Variants in SRGAP3 observed in about 807,000 individuals in gnomAD.
SRGAP3 encodes the protein SLIT-ROBO Rho GTPase-activating protein 3.
In SRGAP3, 39 loss-of-function variants were observed where a neutral mutation model predicts 121.1. That is an observed-to-expected ratio of 0.32 (90% CI 0.25 to 0.42). SRGAP3 has a LOEUF of 0.42. Ranked by LOEUF, SRGAP3 falls within the 10% of genes least tolerant of loss-of-function variation. SRGAP3 has a pLI of 1.00. For synonymous variants in SRGAP3, 601 were observed against 570.0 expected (o/e 1.05, Z -0.77); for missense variants, 1,213 against 1,470.6 (o/e 0.82, Z 2.86).
intron 3 of SRGAP3, among the ~76,000 whole-genome samples, chr3:9,101,039 T>A (rs1387221575): frequency 6.6e-6 from 1 of 152,228 alleles, no homozygotes; most frequent in African/African-American, 2.4e-5. Context: ...TTGATCTGTT[T>A]GGCCCTCTAG....
At chr3:9,205,037 T>C (rs1206294210) in intron 1 of SRGAP3, among the ~76,000 whole-genome samples, 2 of 152,204 alleles carry the variant, frequency 1.3e-5, no homozygotes, top group African/African-American at 4.8e-5. Flanking sequence ...CTTGTCAGCC[T>C]GGAGCTCTGG....
At chr3:9,189,079 T>C (rs892370205) in intron 1 of SRGAP3, among the ~76,000 whole-genome samples, 5 of 152,184 alleles carry the variant, frequency 3.3e-5, no homozygotes, top group African/African-American at 1.2e-4. Context: ...TGTCTAGATT[T>C]CTGCCATTCA....
rs761196341 is a variant in SRGAP3 at position 8,985,739 on chromosome 3, C to T, written c.3080G>A (p.Arg1027His). Reference protein sequence around the residue: ...VIRDPDAAMRRSSSSSTEMMT... With the variant: ...VIRDPDAAMRHSSSSSTEMMT... ...CATCTCGGTGGAGGAGCTGCTGCTG[C>T]GGCGCATGGCGGCATCGGGGTCGCG... The change falls in exon 22 of 22, where the codon CGC becomes CAC. Residue 1027 changes from arginine to histidine, a missense_variant. By Grantham distance (29) the Arg-to-His change is conservative (BLOSUM62 0). Coordinates refer to ENST00000383836, the MANE Select transcript of SRGAP3 (RefSeq NM_014850.4). This position sits in a 1 kb window ranked among gnomAD's most constrained non-coding sequence, Gnocchi z 5.1. The T allele has an allele frequency of 6.3e-6, 10 of 1,596,652 alleles. No individual in the cohort carries two copies. The Admixed American group carries it at 8.4e-5, about 13-fold the overall frequency.
intron 2 of SRGAP3, among the ~76,000 whole-genome samples, chr3:9,114,685 C>A (rs1198795992): frequency 6.6e-6 from 1 of 152,228 alleles, no homozygotes; most frequent in African/African-American, 2.4e-5. Context: ...ATAGGCAATG[C>A]CTGGTCAACC....
chr3:9,301,720 G>C (rs993196475), intron 3 of SRGAP3, among the ~76,000 whole-genome samples: 5 of 152,232 alleles, frequency 3.3e-5, no homozygotes, highest in African/African-American at 1.2e-4. Context: ...TTTGGCACCA[G>C]ACAGGAATGA....
At chr3:9,015,952 A>C in intron 14 of SRGAP3, 1 of 575,726 alleles carries the variant, frequency 1.7e-6, no homozygotes, top group East Asian at 3.0e-5. Flanking sequence ...AAATAAAATA[A>C]TGAACGCCCA....
intron 18 of SRGAP3, among the ~76,000 whole-genome samples, chr3:8,997,624 C>A (rs570533775): frequency 3.9e-5 from 6 of 152,250 alleles, no homozygotes; most frequent in African/African-American, 1.4e-4. Flanking sequence ...TCTGCTCTTG[C>A]CTCACTAAGC....
At chr3:9,019,389 T>C (rs1943800082) in intron 14 of SRGAP3, among the ~76,000 whole-genome samples, 1 of 152,266 alleles carries the variant, frequency 6.6e-6, no homozygotes, top group Non-Finnish European at 1.5e-5. Flanking sequence ...TTTTGAATTT[T>C]TGCCAGTTGG....
At chr3:9,246,548 C>A (rs1450234485) in intron 1 of SRGAP3, among the ~76,000 whole-genome samples, 1 of 152,158 alleles carries the variant, frequency 6.6e-6, no homozygotes, top group Admixed American at 6.5e-5. Flanking sequence ...TGACCTTGGG[C>A]AAGTCATTTA....
intron 9 of SRGAP3, 109 bp from the exon 10 acceptor site, chr3:9,047,584 C>T (rs140543150): frequency 1.5e-5 from 15 of 1,012,884 alleles, no homozygotes; most frequent in Non-Finnish European, 2.1e-5. Flanking sequence ...GATCACGTCA[C>T]CCGCAGGGAC....
intron 2 of SRGAP3, among the ~76,000 whole-genome samples, chr3:9,119,465 G>A (rs1367901625): frequency 6.6e-6 from 1 of 152,134 alleles, no homozygotes; most frequent in Non-Finnish European, 1.5e-5. Context: ...CCCCTCCACT[G>A]CTGCACGTTG....
intron 3 of SRGAP3, among the ~76,000 whole-genome samples, chr3:9,260,071 A>T (rs1574951227): frequency 6.6e-6 from 1 of 152,144 alleles, no homozygotes; most frequent in Non-Finnish European, 1.5e-5. Flanking sequence ...TTCCCTAGCC[A>T]AGGGAAGTCG....
At chr3:9,196,984 C>T (rs967446894) in intron 1 of SRGAP3, among the ~76,000 whole-genome samples, 1 of 152,208 alleles carries the variant, frequency 6.6e-6, no homozygotes, top group African/African-American at 2.4e-5. Flanking sequence ...CTAAAACACA[C>T]CTCTCCAAAG....
chr3:9,302,078 C>T (rs1447544686), intron 3 of SRGAP3, among the ~76,000 whole-genome samples: 1 of 152,182 alleles, frequency 6.6e-6, no homozygotes, highest in African/African-American at 2.4e-5. Context: ...TACAACCGTC[C>T]TCAGTGCCTT....
intron 3 of SRGAP3, among the ~76,000 whole-genome samples, chr3:9,318,595 C>T (rs1256985827): frequency 6.6e-6 from 1 of 151,622 alleles, no homozygotes; most frequent in East Asian, 1.9e-4. Flanking sequence ...CAAGCCAGGG[C>T]CAGGTGCCGT....
intron 3 of SRGAP3, among the ~76,000 whole-genome samples, chr3:9,090,987 C>T (rs982411481): frequency 2.0e-5 from 3 of 152,042 alleles, no homozygotes; most frequent in Admixed American, 2.0e-4. Flanking sequence ...CAAAATAACT[C>T]AAAGACGGGT....
intron 3 of SRGAP3, among the ~76,000 whole-genome samples, chr3:9,296,113 T>C (rs1164086736): frequency 6.6e-6 from 1 of 152,252 alleles, no homozygotes; most frequent in Non-Finnish European, 1.5e-5. Flanking sequence ...AGTATCTAAA[T>C]ATTTGTTCAA....
intron 15 of SRGAP3, chr3:9,014,065 T>A (rs964130285): frequency 5.3e-5 from 32 of 599,866 alleles, no homozygotes; most frequent in Non-Finnish European, 8.8e-5. Flanking sequence ...CCAATCAGAG[T>A]CGACTCTCCG....
chr3:9,081,572 T>C (rs75174800), intron 3 of SRGAP3, among the ~76,000 whole-genome samples: 8,462 of 152,314 alleles, frequency 0.056, 303 homozygotes, highest in Non-Finnish European at 0.079. Context: ...AAAAGCTAAT[T>C]GAACAAAGGT....
Sources: allele counts gnomAD v4.1 joint callset (sites outside exome capture counted in the v4.1 genomes callset), GRCh38; gene constraint gnomAD v4.1.1; non-coding constraint Gnocchi (gnomAD v3.1); transcripts MANE v1.5; gene names NCBI Gene and HGNC (gene_info 2026-07-23, HGNC 2026-07-21).